FAM135B: variants seen among roughly 807,000 people sequenced by gnomAD.
FAM135B encodes the protein family with sequence similarity 135 member B, also known as protein FAM135B.
A neutral mutation model predicts 127.7 loss-of-function variants in FAM135B; 43 were observed. That is an observed-to-expected ratio of 0.34 (90% CI 0.26 to 0.43). The LOEUF is 0.43. Among genes scored for constraint, FAM135B ranks in the 20% least tolerant of loss-of-function variants. The pLI is 1.00. For missense variants in FAM135B, 1,558 were observed against 1,725.6 expected, an observed-to-expected ratio of 0.90 and a Z score of 1.72; for synonymous variants, 670 against 665.1, an observed-to-expected ratio of 1.01 and a Z score of -0.11.
chr8:138,484,243 G>A (rs1814899779), intron 1 of FAM135B, among the ~76,000 whole-genome samples: 1 of 152,154 alleles, frequency 6.6e-6, no homozygotes, highest in African/African-American at 2.4e-5. Flanking sequence ...TTAAACAGGA[G>A]CTCTAGTCCT....
At chr8:138,367,029 T>C (rs1258829259) in intron 2 of FAM135B, among the ~76,000 whole-genome samples, 1 of 152,104 alleles carries the variant, frequency 6.6e-6, no homozygotes, top group Admixed American at 6.5e-5. Flanking sequence ...CCAAGCCACA[T>C]CTAACTCAGT....
intron 2 of FAM135B, among the ~76,000 whole-genome samples, chr8:138,325,134 A>C (rs1413847916): frequency 6.6e-6 from 1 of 152,134 alleles, no homozygotes; most frequent in African/African-American, 2.4e-5. Context: ...ATTAAAAAAA[A>C]ATCAGAAAAT....
At chr8:138,321,164 G>C (rs1185477058) in intron 2 of FAM135B, among the ~76,000 whole-genome samples, 1 of 152,154 alleles carries the variant, frequency 6.6e-6, no homozygotes, top group African/African-American at 2.4e-5. Context: ...ACTGGTACCA[G>C]CCTTGCAGAA....
intron 2 of FAM135B, among the ~76,000 whole-genome samples, chr8:138,319,767 T>C (rs1305021701): frequency 6.6e-6 from 1 of 152,220 alleles, no homozygotes; most frequent in African/African-American, 2.4e-5. Context: ...GTTCAGAACC[T>C]GTAAATATGT....
intron 3 of FAM135B, among the ~76,000 whole-genome samples, chr8:138,280,169 T>C (rs889697805): frequency 2.0e-5 from 3 of 152,174 alleles, no homozygotes; most frequent in African/African-American, 4.8e-5. Context: ...CTTACTAGGG[T>C]ACCAAAAAAC....
At position 138,390,453 on chromosome 8, in the gene FAM135B, C is replaced by T. The variant is rs545528928; in HGVS notation, c.-19-22451G>A. ...GCCATGATTGTGAGGCCTCCCCACCCACATGGAACTGTGAGTCCATCACAC... is the reference window on the plus strand; with the variant it reads ...GCCATGATTGTGAGGCCTCCCCACCTACATGGAACTGTGAGTCCATCACAC... On this transcript the variant is annotated intron_variant, in intron 1 of 19. Coordinates refer to ENST00000395297, the MANE Select transcript of FAM135B (RefSeq NM_015912.4). Among the ~76,000 whole-genome samples the T allele has an allele frequency of 3.3e-5, 5 of 152,240 alleles. No individual in the cohort carries two copies. In the East Asian group the frequency reaches 9.6e-4, roughly 29 times the overall value.
intron 1 of FAM135B, among the ~76,000 whole-genome samples, chr8:138,466,914 C>T (rs1027947158): frequency 1.3e-5 from 2 of 152,130 alleles, no homozygotes; most frequent in South Asian, 2.1e-4. Flanking sequence ...GTTGTGTCAT[C>T]AGTGAAATGC....
In FAM135B at chr8:138,476,478, T is replaced by C. The variant is rs563170784; in HGVS notation, c.-20+20193A>G. ...GGATGGGGGATGTGGGGTATCTCTC[T>C]ATTTTTTTTTTTTCAATTTTACTGT... is the stretch of plus-strand genomic sequence containing the variant. On this transcript the variant is annotated intron_variant, in intron 1 of 19. Transcript: ENST00000395297. 4.8e-5 allele frequency among the ~76,000 whole-genome samples: 7 copies of C among 146,058 alleles called. No individual in the cohort carries two copies. In the East Asian group the frequency reaches 1.4e-3, roughly 28 times the overall value.
rs1222718839 is a variant in FAM135B, at chr8:138,141,008, A to G, written c.3790+190T>C. On this transcript the variant is annotated intron_variant, in intron 17 of 19. Transcript: ENST00000395297. The surrounding 1 kb of genome is among the most constrained non-coding windows in gnomAD (Gnocchi z 4.7). ...GAAGGCAGAAATGATCCTGGAAAACATCTAGTGTCACCTCACTCAGCCCCC... is the reference window on the plus strand; with the variant it reads ...GAAGGCAGAAATGATCCTGGAAAACGTCTAGTGTCACCTCACTCAGCCCCC... Among the ~76,000 whole-genome samples the G allele has an allele frequency of 6.6e-6, 1 of 151,936 alleles. No homozygotes were observed. The highest frequency in any genetic ancestry group is 6.6e-5 in the Admixed American group (1 of 15,260).
intron 1 of FAM135B, among the ~76,000 whole-genome samples, chr8:138,458,777 A>C (rs1408599644): frequency 1.3e-5 from 2 of 152,164 alleles, no homozygotes; most frequent in Non-Finnish European, 2.9e-5. Context: ...AGCCCTTTAC[A>C]AAAAACGTAC....
intron 2 of FAM135B, among the ~76,000 whole-genome samples, chr8:138,328,612 C>A (rs1827966868): frequency 6.6e-6 from 1 of 152,084 alleles, no homozygotes. Flanking sequence ...TCCTTCCCAA[C>A]CATTTACTCT....
At chr8:138,475,855 C>A (rs1814399668) in intron 1 of FAM135B, among the ~76,000 whole-genome samples, 1 of 152,146 alleles carries the variant, frequency 6.6e-6, no homozygotes, top group African/African-American at 2.4e-5. Flanking sequence ...AGCAATCATG[C>A]CCTTTGCATT....
intron 7 of FAM135B, among the ~76,000 whole-genome samples, chr8:138,230,031 G>A (rs1320225566): frequency 1.3e-5 from 2 of 152,188 alleles, no homozygotes; most frequent in African/African-American, 2.4e-5. Flanking sequence ...CACAGAAAGA[G>A]GTGGAGAGTA....
intron 1 of FAM135B, among the ~76,000 whole-genome samples, chr8:138,399,642 C>A (rs578118648): frequency 2.0e-5 from 3 of 152,198 alleles, no homozygotes; most frequent in East Asian, 1.9e-4. Flanking sequence ...AAAATGAACA[C>A]GATGATTTTA....
At chr8:138,138,542 C>G (rs1027334761) in intron 18 of FAM135B, among the ~76,000 whole-genome samples, 16 of 152,254 alleles carry the variant, frequency 1.1e-4, no homozygotes, top group Non-Finnish European at 1.9e-4. Context: ...TTCCACATGA[C>G]AGAGAGAGGG....
intron 1 of FAM135B, among the ~76,000 whole-genome samples, chr8:138,491,637 C>G (rs1815204671): frequency 6.6e-6 from 1 of 152,182 alleles, no homozygotes; most frequent in Non-Finnish European, 1.5e-5. Context: ...ATTCAGCAAA[C>G]ATTTACTGAG....
chr8:138,326,227 G>A (rs1282072207), intron 2 of FAM135B, among the ~76,000 whole-genome samples: 1 of 152,132 alleles, frequency 6.6e-6, no homozygotes, highest in Non-Finnish European at 1.5e-5. Context: ...ATGTGTCAAT[G>A]TTGTGCTCAA....
intron 1 of FAM135B, among the ~76,000 whole-genome samples, chr8:138,458,882 A>C (rs950046507): frequency 6.6e-6 from 1 of 152,238 alleles, no homozygotes; most frequent in Non-Finnish European, 1.5e-5. Flanking sequence ...TTCCAGCAGC[A>C]CATGGCTAAT....
intron 3 of FAM135B, among the ~76,000 whole-genome samples, chr8:138,274,237 G>A (rs1823629060): frequency 6.6e-6 from 1 of 152,140 alleles, no homozygotes; most frequent in Admixed American, 6.5e-5. Flanking sequence ...GCCAGCTTGA[G>A]AAATAAAGGG....
Sources: gnomAD v4.1 joint callset for allele counts (sites outside exome capture counted in the v4.1 genomes callset) on GRCh38, gnomAD v4.1.1 for gene constraint, Gnocchi (gnomAD v3.1) non-coding constraint, MANE v1.5 for transcripts, NCBI Gene and HGNC (gene_info 2026-07-23, HGNC 2026-07-21) for gene names.